Variants in SUPT6H observed in about 807,000 individuals in gnomAD.
The protein encoded by SUPT6H is transcription elongation factor SPT6.
SUPT6H carries 11 observed loss-of-function variants against 222.3 expected under a neutral mutation model. That is an observed-to-expected ratio of 0.05 (90% CI 0.03 to 0.08). The LOEUF is 0.08. SUPT6H is among the 10% of genes least tolerant of loss of function. SUPT6H has a pLI of 1.00. For synonymous variants in SUPT6H, 762 were observed against 801.2 expected (o/e 0.95, Z 0.83); for missense variants, 1,422 against 2,216.0 (o/e 0.64, Z 7.19).
At chr17:28,685,218 T>C (rs2151638748) in intron 19 of SUPT6H, among the ~76,000 whole-genome samples, 1 of 152,268 alleles carries the variant, frequency 6.6e-6, no homozygotes, top group African/African-American at 2.4e-5. Context: ...CTGCCTCTTT[T>C]CTTACCAGCA....
In SUPT6H at chr17:28,673,526, C is replaced by T; in HGVS notation, c.109+16C>T. The T allele has an allele frequency of 2.6e-6, 4 of 1,558,728 alleles. No individual in the cohort carries two copies. Among genetic ancestry groups the T allele is most frequent in the Non-Finnish European group, 3.5e-6 (4 of 1,131,682 alleles). On this transcript the variant is annotated intron_variant, in intron 2 of 36. Transcript: ENST00000314616. ...GAGGATGATGGTGAGGAGGCCCCAG[C>T]CTCAAGCTTCTCCCCACTATTGCTA...
At chr17:28,700,838 T>C in intron 35 of SUPT6H, 103 bp from the exon 36 acceptor site, 6 of 1,372,096 alleles carry the variant, frequency 4.4e-6, no homozygotes, top group Non-Finnish European at 6.0e-6. Context: ...TGGAAGATCA[T>C]CTGGAAAGCT....
chr17:28,663,828 A>ATTTTTTTTTTTTCTTTTTT (rs2072114382), intron 1 of SUPT6H, among the ~76,000 whole-genome samples: 1 of 38,374 alleles, frequency 2.6e-5, no homozygotes, highest in Non-Finnish European at 4.7e-5. Context: ...TGCCCACTCC[A>ATTTTTTTTTTTTCTTTTTT]TTTTTTTTTT....
chr17:28,695,627 C>A, intron 29 of SUPT6H, 80 bp downstream of exon 29: 2 of 1,458,618 alleles, frequency 1.4e-6, no homozygotes, highest in Non-Finnish European at 1.9e-6. Flanking sequence ...ACAGGATGCA[C>A]ATGTGTCAGT....
At chr17:28,678,401 G>T in intron 9 of SUPT6H, 144 bp from the exon 10 acceptor site, 2 of 892,370 alleles carry the variant, frequency 2.2e-6, no homozygotes, top group Non-Finnish European at 1.8e-6. Flanking sequence ...AAAGCACCAG[G>T]CCCTGGAAGG....
chr17:28,665,734 A>G (rs2029974358), intron 1 of SUPT6H, among the ~76,000 whole-genome samples: 1 of 152,114 alleles, frequency 6.6e-6, no homozygotes, highest in Non-Finnish European at 1.5e-5. Flanking sequence ...CTACACTCCA[A>G]GCCTGGGCAA....
intron 27 of SUPT6H, 135 bp downstream of exon 27, chr17:28,691,198 G>T (rs78664748): frequency 3.1e-4 from 371 of 1,214,476 alleles, no homozygotes; most frequent in Non-Finnish European, 4.1e-4. Flanking sequence ...AAGACGGACG[G>T]GAAACACACA....
chr17:28,701,753 A>ACCCATCCGGGTTGACC lies in SUPT6H; in HGVS notation c.*128_*129insCCCATCCGGGTTGACC. On this transcript the variant is annotated 3_prime_UTR_variant, in exon 37 of 37. Transcript: ENST00000314616. ...AAGTGAGACGTTCTCTTTGGTGGTC[A>ACCCATCCGGGTTGACC]ACCCGGATGGGTGACAGGCTGGATG... is the stretch of plus-strand genomic sequence containing the variant. 9.8e-7 allele frequency: 1 copy of ACCCATCCGGGTTGACC among 1,015,430 alleles called. No individual in the cohort carries two copies. The highest frequency in any genetic ancestry group is 1.4e-6 in the Non-Finnish European group (1 of 708,588). The allele number at this position is 1,015,430 out of a possible 1,614,324, so 62.9% of individuals were successfully genotyped here. A position where few individuals can be genotyped will look rare whatever the true frequency, so the allele number is the denominator to read the frequency against.
intron 26 of SUPT6H, 67 bp from the exon 27 acceptor site, chr17:28,690,854 G>T: frequency 1.9e-6 from 3 of 1,546,570 alleles, no homozygotes; most frequent in Non-Finnish European, 2.6e-6. Flanking sequence ...GTCACTGAAA[G>T]GCTGGTGGAA....
intron 1 of SUPT6H, among the ~76,000 whole-genome samples, chr17:28,664,693 T>G (rs1231822077): frequency 6.6e-6 from 1 of 152,226 alleles, no homozygotes; most frequent in Non-Finnish European, 1.5e-5. Context: ...GCCTGTTTAA[T>G]TATCTCCATT....
rs2032149797 is a variant in SUPT6H, at chr17:28,701,846, C to T, written c.*221C>T. On this transcript the variant is annotated 3_prime_UTR_variant, in exon 37 of 37. Transcript: ENST00000314616. ...CCCGCTCCAGACCCTCACCGACCAC[C>T]TGTCCTGGGACCAGGCTGGGAGGGG... 1 of 543,630 alleles carries T rather than the reference C, an allele frequency of 1.8e-6. No homozygotes were observed. Among genetic ancestry groups the T allele is most frequent in the East Asian group, 2.9e-5 (1 of 34,522 alleles). 33.7% of individuals were successfully genotyped at this position (543,630 alleles called of 1,614,324 possible).
chr17:28,682,908 C>T, intron 14 of SUPT6H, 34 bp from the exon 15 acceptor site: 1 of 1,612,884 alleles, frequency 6.2e-7, no homozygotes, highest in Non-Finnish European at 8.5e-7. Context: ...GACCACAACA[C>T]CCTGGTCCTG....
chr17:28,694,680 C>A (rs944512288), intron 28 of SUPT6H, among the ~76,000 whole-genome samples: 1 of 152,152 alleles, frequency 6.6e-6, no homozygotes, highest in African/African-American at 2.4e-5. Flanking sequence ...ATACAGAAAA[C>A]AGCTATTATT....
At chr17:28,695,657 C>A in intron 29 of SUPT6H, 110 bp downstream of exon 29, 1 of 1,310,124 alleles carries the variant, frequency 7.6e-7, no homozygotes, top group Non-Finnish European at 1.0e-6. Context: ...GAAGTGGGGA[C>A]TCAGCTTTGA....
Position 28,667,405 on chromosome 17 carries a change from GTATATATATA to G in SUPT6H, c.-32+5085_-32+5094del, listed in dbSNP as rs59286877. ...AAAAAAAAAAAAAAAGTGTGTGTGT[GTATATATATA>G]TATATATATATATATATATATGTAT... On this transcript the variant is annotated intron_variant, in intron 1 of 36. Transcript: ENST00000314616. Among the ~76,000 whole-genome samples, 122 of 49,304 alleles carry G rather than the reference GTATATATATA, an allele frequency of 2.5e-3. 6 individuals are homozygous for G. Among genetic ancestry groups the G allele is most frequent in the Non-Finnish European group, 3.0e-3 (88 of 29,420 alleles). 32.3% of individuals were successfully genotyped at this position (49,304 alleles called of 152,430 possible). A position where few individuals can be genotyped will look rare whatever the true frequency, so the allele number is the denominator to read the frequency against.
At chr17:28,673,315 G>A in intron 1 of SUPT6H, 56 bp from the exon 2 acceptor site, 1 of 1,056,112 alleles carries the variant, frequency 9.5e-7, no homozygotes, top group Non-Finnish European at 1.4e-6. Context: ...AGGTTTAAGA[G>A]CCCTCTGTAC....
chr17:28,693,886 A>T (rs564066176), intron 28 of SUPT6H, 50 bp downstream of exon 28: 4 of 1,612,256 alleles, frequency 2.5e-6, no homozygotes, highest in South Asian at 2.2e-5. Flanking sequence ...AGCTGCCCAG[A>T]TCAGGTCTCT....
intron 30 of SUPT6H, 54 bp from the exon 31 acceptor site, chr17:28,697,566 T>A: frequency 6.8e-7 from 1 of 1,470,794 alleles, no homozygotes; most frequent in Non-Finnish European, 9.5e-7. Context: ...ATGGATTTGA[T>A]CAAGAATCTC....
At chr17:28,701,379 G>GT in intron 36 of SUPT6H, 60 bp from the exon 37 acceptor site, 1 of 1,579,062 alleles carries the variant, frequency 6.3e-7, no homozygotes, top group Non-Finnish European at 8.6e-7. Context: ...AGGGTACAGT[G>GT]ATTGGTGGGA....
Sources: gnomAD v4.1 joint callset for allele counts (sites outside exome capture counted in the v4.1 genomes callset) on GRCh38, gnomAD v4.1.1 for gene constraint, MANE v1.5 for transcripts, NCBI Gene and HGNC (gene_info 2026-07-23, HGNC 2026-07-21) for gene names.